Variants in IMMP2L observed in about 807,000 individuals in gnomAD.
The protein encoded by IMMP2L is inner mitochondrial membrane peptidase subunit 2, also known as mitochondrial inner membrane protease subunit 2.
IMMP2L carries 18 observed loss-of-function variants against 19.3 expected under a neutral mutation model. The observed-to-expected ratio is 0.93, with a 90% confidence interval of 0.64 to 1.38. IMMP2L has a LOEUF of 1.38. Among genes scored for constraint, IMMP2L ranks in the 40% most tolerant of loss-of-function variants. IMMP2L has a pLI of 0.00. For synonymous variants in IMMP2L, 76 were observed against 73.0 expected (o/e 1.04, Z -0.21); for missense variants, 233 against 218.2 (o/e 1.07, Z -0.43).
At chr7:110,830,159 G>A (rs1671995321) in intron 5 of IMMP2L, among the ~76,000 whole-genome samples, 1 of 152,140 alleles carries the variant, frequency 6.6e-6, no homozygotes, top group Non-Finnish European at 1.5e-5. Context: ...AAAAAGGAAT[G>A]ATTTGTAGTG....
chr7:111,069,218 C>T (rs191313891), intron 3 of IMMP2L, among the ~76,000 whole-genome samples: 20 of 152,270 alleles, frequency 1.3e-4, no homozygotes, highest in Admixed American at 1.2e-3. Context: ...GACTGCTGGG[C>T]ATGAAGAAGG....
At position 111,419,376 on chromosome 7, in the gene IMMP2L, G is replaced by A. The variant is rs565195659; in HGVS notation, c.239+67862C>T. ...GGAAGAAAAAATTTCTTACCTAAGA[G>A]GATTTGGAGCTGTGAAAGGAAATGG... On this transcript the variant is annotated intron_variant, in intron 3 of 5. Coordinates refer to ENST00000405709, the MANE Select transcript of IMMP2L (RefSeq NM_032549.4). Among the ~76,000 whole-genome samples, 77 of 151,624 alleles carry A rather than the reference G, an allele frequency of 5.1e-4. 1 individual carries two copies. Among genetic ancestry groups the A allele is most frequent in the South Asian group, 1.0e-3 (5 of 4,804 alleles).
intron 3 of IMMP2L, among the ~76,000 whole-genome samples, chr7:111,114,181 T>A (rs1330449929): frequency 6.6e-6 from 1 of 151,418 alleles, no homozygotes; most frequent in Non-Finnish European, 1.5e-5. Flanking sequence ...AGGAAAACAA[T>A]GATTTCTCTT....
At chr7:111,309,351 TG>T (rs1196957346) in intron 3 of IMMP2L, among the ~76,000 whole-genome samples, 2 of 152,136 alleles carry the variant, frequency 1.3e-5, no homozygotes, top group Non-Finnish European at 2.9e-5. Flanking sequence ...AAATGTTATA[TG>T]GCCAGTTTGG....
At chr7:110,672,972 C>T (rs1010763898) in intron 5 of IMMP2L, among the ~76,000 whole-genome samples, 4 of 152,218 alleles carry the variant, frequency 2.6e-5, no homozygotes, top group Admixed American at 6.5e-5. Flanking sequence ...CCTCTTCTCA[C>T]AGTTCCACTA....
intron 3 of IMMP2L, among the ~76,000 whole-genome samples, chr7:111,484,540 A>G (rs1842461710): frequency 6.6e-6 from 1 of 152,190 alleles, no homozygotes; most frequent in Non-Finnish European, 1.5e-5. Context: ...ACATTTTAAT[A>G]TACACTTCTG....
intron 3 of IMMP2L, among the ~76,000 whole-genome samples, chr7:110,975,396 G>T (rs1443341762): frequency 6.6e-6 from 1 of 152,060 alleles, no homozygotes; most frequent in Admixed American, 6.6e-5. Flanking sequence ...CATGGCTGTG[G>T]CTATGTGTAC....
At chr7:110,911,383 T>A (rs1777227005) in intron 4 of IMMP2L, among the ~76,000 whole-genome samples, 2 of 152,086 alleles carry the variant, frequency 1.3e-5, no homozygotes, top group African/African-American at 4.8e-5. Context: ...CCTCCAAGGG[T>A]TTCTAAATAC....
chr7:111,444,807 T>C (rs528280455), intron 3 of IMMP2L, among the ~76,000 whole-genome samples: 2 of 152,208 alleles, frequency 1.3e-5, no homozygotes, highest in East Asian at 1.9e-4. Flanking sequence ...TATGGCATAA[T>C]GCAGTGGTCT....
chr7:111,388,755 G>T (rs1345621964), intron 3 of IMMP2L, among the ~76,000 whole-genome samples: 1 of 152,076 alleles, frequency 6.6e-6, no homozygotes, highest in Non-Finnish European at 1.5e-5. Context: ...CACGAGAATA[G>T]CACAGGAAAG....
At chr7:110,698,865 ATAGTCTATGGCCTTG>A (rs1436806713) in intron 5 of IMMP2L, among the ~76,000 whole-genome samples, 1 of 152,218 alleles carries the variant, frequency 6.6e-6, no homozygotes, top group Non-Finnish European at 1.5e-5. Flanking sequence ...ACATGCCTTG[ATAGTCTATGGCCTTG>A]TGTCCATCTG....
chr7:110,859,682 G>A (rs767275572), intron 5 of IMMP2L, among the ~76,000 whole-genome samples: 3 of 151,280 alleles, frequency 2.0e-5, no homozygotes, highest in Non-Finnish European at 4.4e-5. Flanking sequence ...GGCAGAGGTT[G>A]TAGTGAGCTG....
intron 3 of IMMP2L, among the ~76,000 whole-genome samples, chr7:111,008,709 T>TA (rs1258118433): frequency 1.3e-5 from 2 of 152,078 alleles, no homozygotes; most frequent in African/African-American, 4.8e-5. Flanking sequence ...TTCACTGCTG[T>TA]ATCCTCAGTG....
intron 5 of IMMP2L, among the ~76,000 whole-genome samples, chr7:110,719,139 A>G (rs190098068): frequency 6.6e-6 from 1 of 152,352 alleles, no homozygotes; most frequent in East Asian, 1.9e-4. Flanking sequence ...GAGATTCAAA[A>G]CAAAGATAAT....
At chr7:111,157,535 C>T (rs1323154580) in intron 3 of IMMP2L, among the ~76,000 whole-genome samples, 1 of 151,950 alleles carries the variant, frequency 6.6e-6, no homozygotes, top group Non-Finnish European at 1.5e-5. Context: ...CAATGCAACT[C>T]ATAGAGGTAG....
intron 3 of IMMP2L, among the ~76,000 whole-genome samples, chr7:111,329,660 A>G (rs978531716): frequency 6.6e-6 from 1 of 151,924 alleles, no homozygotes; most frequent in Non-Finnish European, 1.5e-5. Context: ...GAGAGAAAAG[A>G]CAGCTAAAAC....
chr7:111,401,884 G>A (rs1833452114), intron 3 of IMMP2L, among the ~76,000 whole-genome samples: 1 of 151,864 alleles, frequency 6.6e-6, no homozygotes, highest in Non-Finnish European at 1.5e-5. Flanking sequence ...ATGCAAGACT[G>A]GTGAATACAA....
intron 5 of IMMP2L, among the ~76,000 whole-genome samples, chr7:110,781,491 A>G (rs1799739074): frequency 6.6e-6 from 1 of 151,922 alleles, no homozygotes; most frequent in African/African-American, 2.4e-5. Flanking sequence ...AATTTGCCAT[A>G]TGGTATTCTT....
chr7:111,312,442 A>G (rs1045456626), intron 3 of IMMP2L, among the ~76,000 whole-genome samples: 2 of 152,154 alleles, frequency 1.3e-5, no homozygotes, highest in South Asian at 4.1e-4. Flanking sequence ...CAGCTGCATC[A>G]TTACTGCAAT....
Sources: allele counts gnomAD v4.1 joint callset (sites outside exome capture counted in the v4.1 genomes callset), GRCh38; gene constraint gnomAD v4.1.1; transcripts MANE v1.5; gene names NCBI Gene and HGNC (gene_info 2026-07-23, HGNC 2026-07-21).